The following ZC3H12C variants were observed in gnomAD, a reference collection of about 807,000 sequenced individuals.
ZC3H12C encodes the protein probable ribonuclease ZC3H12C.
A neutral mutation model predicts 76.3 loss-of-function variants in ZC3H12C; 20 were observed. That is an observed-to-expected ratio of 0.26 (90% CI 0.18 to 0.38). The LOEUF (loss-of-function observed/expected upper bound fraction) is 0.38. Among genes scored for constraint, ZC3H12C ranks in the 10% least tolerant of loss-of-function variants. The pLI is 1.00. For missense variants in ZC3H12C, 874 were observed against 1,086.5 expected (o/e 0.80, Z 2.75); for synonymous variants, 352 against 399.6 (o/e 0.88, Z 1.42).
At chr11:110,147,020 A>G (rs189959848) in intron 2 of ZC3H12C, among the ~76,000 whole-genome samples, 1 of 152,218 alleles carries the variant, frequency 6.6e-6, no homozygotes, top group Admixed American at 6.5e-5. Flanking sequence ...GTGGGTTTCT[A>G]AGGCATGAGA....
intron 3 of ZC3H12C, among the ~76,000 whole-genome samples, chr11:110,155,777 T>C (rs1862366440): frequency 6.6e-6 from 1 of 152,198 alleles, no homozygotes; most frequent in African/African-American, 2.4e-5. Context: ...GCAGGAAATA[T>C]ACCAAACTGT....
At position 110,164,670 on chromosome 11, in the gene ZC3H12C, A is replaced by C. The variant is rs1565270517; in HGVS notation, c.1585A>C (p.Thr529Pro). Residue 529 changes from threonine (T) to proline (P), a missense_variant, in exon 6 of 6, where the codon ACT becomes CCT. Coordinates refer to ENST00000278590, the MANE Select transcript of ZC3H12C (RefSeq NM_033390.2). This position sits in a 1 kb window ranked among gnomAD's most constrained non-coding sequence, Gnocchi z 5.7. ...CTTAGTTAGCATCCCAGCTACTTCT[A>C]CTGCAAAACCCCAAAGCACTACATC... ...PSLVSIPATS[T>P]AKPQSTTSLS... The C allele has an allele frequency of 1.2e-6, 2 of 1,614,028 alleles. No homozygotes were observed. Among genetic ancestry groups the C allele is most frequent in the Non-Finnish European group, 1.7e-6 (2 of 1,179,888 alleles).
Position 110,106,263 on chromosome 11 carries a change from G to A in ZC3H12C, c.21+12831G>A, listed in dbSNP as rs1419567001. Among the ~76,000 whole-genome samples the A allele has an allele frequency of 4.3e-4, 6 of 14,008 alleles. 3 individuals carry two copies. Among genetic ancestry groups the A allele is most frequent in the Non-Finnish European group, 6.4e-4 (4 of 6,298 alleles). 9.2% of individuals were successfully genotyped at this position (14,008 alleles called of 152,430 possible). A position where few individuals can be genotyped will look rare whatever the true frequency, so the allele number is the denominator to read the frequency against. On this transcript the variant is annotated intron_variant, in intron 1 of 5. Transcript: ENST00000278590. The stretch of plus-strand genomic sequence containing the variant: ...AGCCTGGGCGACAGAGCGAGACTCC[G>A]TCTCAAAAAAAATAAATAAATAAAT...
At chr11:110,096,169 A>T (rs1211562939) in intron 1 of ZC3H12C, among the ~76,000 whole-genome samples, 1 of 152,220 alleles carries the variant, frequency 6.6e-6, no homozygotes, top group African/African-American at 2.4e-5. Context: ...AGAAAGGATG[A>T]TCAATCAAGA....
Position 110,164,470 on chromosome 11 carries a change from G to A in ZC3H12C, c.1385G>A (p.Gly462Glu). ...ACGGCAGCCAAAACTGCAAACGAAG[G>A]AGGACTGGTGAAAAGCAACAGTGTT... ...RNTAAKTANE[G>E]GLVKSNSVPC... The change falls in exon 6 of 6, where the codon GGA becomes GAA. Residue 462 changes from glycine to glutamate, a missense_variant. Around this residue, in one of 3 missense-constraint regions of ZC3H12C, gnomAD observed 269 missense variants for 424.9 expected, o/e 0.63. Coordinates refer to ENST00000278590, the MANE Select transcript of ZC3H12C (RefSeq NM_033390.2). This position sits in a 1 kb window ranked among gnomAD's most constrained non-coding sequence, Gnocchi z 5.7. The A allele has an allele frequency of 1.2e-6, 2 of 1,613,990 alleles. No homozygotes were observed. The highest frequency in any genetic ancestry group is 1.7e-6 in the Non-Finnish European group (2 of 1,179,872).
chr11:110,139,152 A>G (rs1591476944), intron 2 of ZC3H12C, among the ~76,000 whole-genome samples: 1 of 152,198 alleles, frequency 6.6e-6, no homozygotes, highest in Non-Finnish European at 1.5e-5. Context: ...AGGAGAACCA[A>G]CCTAATCCTC....
chr11:110,099,942 CTCT>C (rs1285309431), intron 1 of ZC3H12C, among the ~76,000 whole-genome samples: 2 of 151,866 alleles, frequency 1.3e-5, no homozygotes, highest in Non-Finnish European at 2.9e-5. Flanking sequence ...TGATAGTTAA[CTCT>C]TCTTCATTTC....
intron 2 of ZC3H12C, among the ~76,000 whole-genome samples, chr11:110,146,189 C>G (rs956148194): frequency 6.6e-6 from 1 of 152,072 alleles, no homozygotes; most frequent in East Asian, 1.9e-4. Flanking sequence ...AGGGCTTCAC[C>G]GTGTTAGCCA....
At chr11:110,136,608 A>T in intron 1 of ZC3H12C, 55 bp from the exon 2 acceptor site, 2 of 1,548,522 alleles carry the variant, frequency 1.3e-6, no homozygotes, top group Non-Finnish European at 8.7e-7. Flanking sequence ...TTCTCCATTG[A>T]GACAGAAATC....
rs757482236 is a variant in ZC3H12C, at chr11:110,165,266, T to C, written c.2181T>C (p.Ser727=). Reference sequence around the variant, plus strand: ...CCAGCTGTCCTGGCGACTACCCCTCTCCTCCAAGTTCAGCACACTCTAAGG... The same window carrying C: ...CCAGCTGTCCTGGCGACTACCCCTCCCCTCCAAGTTCAGCACACTCTAAGG... ...ARSSCPGDYP[S]PPSSAHSKAP... The change falls in exon 6 of 6, where the codon TCT becomes TCC. Residue 727 remains serine, a synonymous_variant. Transcript: ENST00000278590. The C allele has an allele frequency of 4.3e-6, 7 of 1,613,838 alleles. No individual in the cohort carries two copies.
chr11:110,162,250 A>C (rs1468462822), intron 4 of ZC3H12C, among the ~76,000 whole-genome samples: 1 of 152,250 alleles, frequency 6.6e-6, no homozygotes, highest in African/African-American at 2.4e-5. Flanking sequence ...ATGTAAAATG[A>C]TGTGTGCACA....
intron 1 of ZC3H12C, among the ~76,000 whole-genome samples, chr11:110,118,468 A>C (rs950756331): frequency 6.6e-6 from 1 of 152,116 alleles, no homozygotes; most frequent in African/African-American, 2.4e-5. Context: ...TCGCACCAGC[A>C]AGAAGAAAAA....
intron 1 of ZC3H12C, among the ~76,000 whole-genome samples, chr11:110,097,553 T>C (rs1458069612): frequency 1.3e-5 from 2 of 152,354 alleles, no homozygotes; most frequent in East Asian, 1.9e-4. Context: ...GTGCTGTACA[T>C]GTATTAATGC....
intron 2 of ZC3H12C, among the ~76,000 whole-genome samples, chr11:110,142,481 T>C (rs1862084092): frequency 1.3e-5 from 2 of 152,202 alleles, no homozygotes; most frequent in Admixed American, 1.3e-4. Context: ...ACTAAACAGA[T>C]TTTCTTCATT....
chr11:110,136,814 T>C lies in ZC3H12C; in HGVS notation c.173T>C (p.Val58Ala), dbSNP rs768273783. ...ESTDPQLSPA[V>A]PWSTVENPSM... ...ACTGACCCACAGTTAAGTCCAGCTGTACCTTGGTCAACAGTAGAAAACCCA... is the reference window on the plus strand; with the variant it reads ...ACTGACCCACAGTTAAGTCCAGCTGCACCTTGGTCAACAGTAGAAAACCCA... Residue 58 changes from valine (V) to alanine (A), a missense_variant, in exon 2 of 6, where the codon GTA becomes GCA. Coordinates refer to ENST00000278590, the MANE Select transcript of ZC3H12C (RefSeq NM_033390.2). 5.0e-6 allele frequency: 8 copies of C among 1,613,928 alleles called. 1 individual carries two copies. In the South Asian group the frequency reaches 8.8e-5, roughly 18 times the overall value.
intron 1 of ZC3H12C, among the ~76,000 whole-genome samples, chr11:110,115,784 TCTCA>T (rs2134157587): frequency 6.8e-6 from 1 of 146,914 alleles, no homozygotes; most frequent in East Asian, 2.0e-4. Context: ...TGAGATGGAG[TCTCA>T]CTCACTCTGT....
Position 110,171,613 on chromosome 11 carries a change from C to T in ZC3H12C, c.*5876C>T, listed in dbSNP as rs1156677758. On this transcript the variant is annotated 3_prime_UTR_variant, in exon 6 of 6. Coordinates refer to ENST00000278590, the MANE Select transcript of ZC3H12C (RefSeq NM_033390.2). ...ACTGAGAAAAAAAAAATTTTTAATT[C>T]GTTTTTCTTATGCTGGTTTGTTTTT... is the stretch of plus-strand genomic sequence containing the variant. The T allele has an allele frequency of 1.3e-5, 2 of 152,006 alleles. No individual in the cohort carries two copies. Among genetic ancestry groups the T allele is most frequent in the Non-Finnish European group, 2.9e-5 (2 of 67,998 alleles). 9.4% of individuals were successfully genotyped at this position (152,006 alleles called of 1,614,324 possible).
At chr11:110,163,124 CTT>C (rs1232718653) in intron 4 of ZC3H12C, 147 bp from the exon 5 acceptor site, 1 of 581,998 alleles carries the variant, frequency 1.7e-6, no homozygotes, top group Non-Finnish European at 3.0e-6. Context: ...TTACTGATTT[CTT>C]TTTTACTCTG....
At chr11:110,094,594 T>C (rs1375884491) in intron 1 of ZC3H12C, among the ~76,000 whole-genome samples, 1 of 152,260 alleles carries the variant, frequency 6.6e-6, no homozygotes, top group African/African-American at 2.4e-5. Flanking sequence ...GGGTATGACT[T>C]CCATTCATTT....
Sources: gnomAD v4.1 joint callset for allele counts (sites outside exome capture counted in the v4.1 genomes callset) on GRCh38, gnomAD v4.1.1 for gene constraint, gnomAD v4.1.1 regional missense constraint, Gnocchi (gnomAD v3.1) non-coding constraint, MANE v1.5 for transcripts, NCBI Gene and HGNC (gene_info 2026-07-23, HGNC 2026-07-21) for gene names.